RIMBP2: variants seen among roughly 807,000 people sequenced by gnomAD.
The protein encoded by RIMBP2 is RIMS-binding protein 2.
Under a neutral mutation model 118.6 loss-of-function variants are expected in RIMBP2, and 48 were observed. That is an observed-to-expected ratio of 0.40 (90% CI 0.32 to 0.51). The LOEUF (loss-of-function observed/expected upper bound fraction) is 0.51, where lower values mean the gene tolerates loss of function less well. Ranked by LOEUF, RIMBP2 falls within the 20% of genes least tolerant of loss-of-function variation. The pLI is 0.41. For synonymous variants in RIMBP2, 762 were observed against 742.9 expected (o/e 1.03, Z -0.42); for missense variants, 1,551 against 1,768.3 (o/e 0.88, Z 2.20).
Position 130,581,607 on chromosome 12 carries a change from C to T in RIMBP2, c.-217+46715G>A, listed in dbSNP as rs1272308156. ...AGGCTCTCGCGGCTCAGGCCTCAGA[C>T]CTGTCGCCTTCCTTCCTCTGTTCTC... On this transcript the variant is annotated intron_variant, in intron 2 of 22. Transcript: ENST00000690449. This position sits in a 1 kb window ranked among gnomAD's most constrained non-coding sequence, Gnocchi z 4.4. Among the ~76,000 whole-genome samples, 1 of 152,234 alleles carries T rather than the reference C, an allele frequency of 6.6e-6. No homozygotes were observed. The highest frequency in any genetic ancestry group is 2.4e-5 in the African/African-American group (1 of 41,470).
intron 4 of RIMBP2, among the ~76,000 whole-genome samples, chr12:130,480,626 A>T (rs1351665236): frequency 6.6e-6 from 1 of 151,872 alleles, no homozygotes; most frequent in Non-Finnish European, 1.5e-5. Context: ...TTTGAGATGG[A>T]GTCTTGCTCT....
chr12:130,587,052 T>C (rs1344409986), intron 2 of RIMBP2, among the ~76,000 whole-genome samples: 1 of 125,392 alleles, frequency 8.0e-6, no homozygotes, highest in East Asian at 3.2e-4. Flanking sequence ...AGAAGACATT[T>C]ATGCAGCCAA....
At chr12:130,407,966 C>G in intron 19 of RIMBP2, 137 bp from the exon 20 acceptor site, 1 of 727,766 alleles carries the variant, frequency 1.4e-6, no homozygotes, top group Non-Finnish European at 2.4e-6. Flanking sequence ...CTCCTGGGCA[C>G]TCACATCAGC....
intron 1 of RIMBP2, among the ~76,000 whole-genome samples, chr12:130,681,557 A>C (rs2064786830): frequency 6.6e-6 from 1 of 152,052 alleles, no homozygotes; most frequent in South Asian, 2.1e-4. Flanking sequence ...AATCAATCTC[A>C]TATTTCATGT....
chr12:130,432,723 C>T (rs2077227687), intron 14 of RIMBP2, among the ~76,000 whole-genome samples: 1 of 152,200 alleles, frequency 6.6e-6, no homozygotes, highest in Non-Finnish European at 1.5e-5. Flanking sequence ...AGAAACCAGC[C>T]CTGCTGGTGC....
rs543666140 is a variant in RIMBP2 at position 130,446,901 on chromosome 12, G to A, written c.582-1632C>T. Among the ~76,000 whole-genome samples the A allele has an allele frequency of 1.1e-4, 17 of 152,148 alleles. No homozygotes were observed. Among genetic ancestry groups the A allele is most frequent in the African/African-American group, 2.2e-4 (9 of 41,480 alleles). On this transcript the variant is annotated intron_variant, in intron 9 of 22. Transcript: ENST00000690449. This position sits in a 1 kb window ranked among gnomAD's most constrained non-coding sequence, Gnocchi z 4.1. Reference sequence around the variant, plus strand: ...GTGACTTAGGAGGCTGTGGAAATGCGGGTTGCCTGGCTGCAGGGATGAGGG... The same window carrying A: ...GTGACTTAGGAGGCTGTGGAAATGCAGGTTGCCTGGCTGCAGGGATGAGGG...
Position 130,438,421 on chromosome 12 carries a change from C to T in RIMBP2, c.1600G>A (p.Gly534Arg), listed in dbSNP as rs200754880. 1.6e-5 allele frequency: 26 copies of T among 1,613,668 alleles called. No homozygotes were observed. Among genetic ancestry groups the T allele is most frequent in the Admixed American group, 3.3e-5 (2 of 59,982 alleles). The change falls in exon 12 of 23, where the codon GGG becomes AGG. Residue 534 changes from glycine (G) to arginine (R), a missense_variant. Gly to Arg is a moderately radical substitution (Grantham distance 125). This residue lies in a region of RIMBP2 where 1,038 missense variants were observed against 1,125.1 expected (regional missense o/e 0.92). Transcript: ENST00000690449. ...SWRPPVLTPT[G>R]LSNGANVTGY... ...GTAACGTTTGCGCCATTGGACAGCC[C>T]GGTGGGCGTCAGCACAGGTGGTCTC...
chr12:130,694,440 G>A (rs1284585023), intron 1 of RIMBP2, among the ~76,000 whole-genome samples: 2 of 152,164 alleles, frequency 1.3e-5, no homozygotes, highest in Admixed American at 6.5e-5. Context: ...TGACCTTCAG[G>A]ACAAAGTCCA....
chr12:130,598,770 A>G (rs1250020975), intron 2 of RIMBP2, among the ~76,000 whole-genome samples: 2 of 152,180 alleles, frequency 1.3e-5, no homozygotes, highest in African/African-American at 4.8e-5. Flanking sequence ...AAGGCTTACT[A>G]TAAAGCCACA....
At chr12:130,441,443 TAATA>T (rs1566042440) in intron 11 of RIMBP2, among the ~76,000 whole-genome samples, 7 of 141,050 alleles carry the variant, frequency 5.0e-5, no homozygotes, top group African/African-American at 1.3e-4. Flanking sequence ...ATAATAATAA[TAATA>T]ATTTACAAGG....
intron 2 of RIMBP2, among the ~76,000 whole-genome samples, chr12:130,561,953 C>T (rs1186513017): frequency 2.0e-5 from 3 of 151,996 alleles, no homozygotes; most frequent in African/African-American, 7.3e-5. Flanking sequence ...TATATGTTCA[C>T]TGTCAAAAAA....
At chr12:130,609,760 G>T (rs933325384) in intron 2 of RIMBP2, among the ~76,000 whole-genome samples, 1 of 152,178 alleles carries the variant, frequency 6.6e-6, no homozygotes, top group African/African-American at 2.4e-5. Flanking sequence ...CAGGGCTGCA[G>T]GTCTGGGAAG....
intron 2 of RIMBP2, among the ~76,000 whole-genome samples, chr12:130,564,653 C>A (rs578253230): frequency 6.6e-6 from 1 of 152,272 alleles, no homozygotes; most frequent in South Asian, 2.1e-4. Context: ...AAGCCAGTTG[C>A]AGAAGGACAA....
At chr12:130,503,883 T>C (rs1445273925) in intron 4 of RIMBP2, among the ~76,000 whole-genome samples, 1 of 152,234 alleles carries the variant, frequency 6.6e-6, no homozygotes, top group Non-Finnish European at 1.5e-5. Flanking sequence ...TTCATATCAC[T>C]TCATTATATT....
intron 2 of RIMBP2, among the ~76,000 whole-genome samples, chr12:130,587,683 G>A (rs1389678960): frequency 1.3e-5 from 1 of 76,022 alleles, no homozygotes; most frequent in East Asian, 6.6e-4. Context: ...CTGTGGTGGG[G>A]TGGGGGGAGG....
At chr12:130,573,984 T>C (rs576688262) in intron 2 of RIMBP2, among the ~76,000 whole-genome samples, 1 of 151,096 alleles carries the variant, frequency 6.6e-6, no homozygotes, top group East Asian at 2.0e-4. Context: ...GGAAGGAAAA[T>C]GGCAAGCAGA....
intron 22 of RIMBP2, chr12:130,397,785 C>T: frequency 3.0e-6 from 1 of 335,078 alleles, no homozygotes; most frequent in East Asian, 4.5e-5. Flanking sequence ...TGCGGGGTGG[C>T]CGTTGCTTTG....
chr12:130,429,434 CAGAG>C (rs1209225680), intron 14 of RIMBP2: 1 of 152,206 alleles, frequency 6.6e-6, no homozygotes, highest in Non-Finnish European at 1.5e-5. Flanking sequence ...TTTCCACTCA[CAGAG>C]AAAGCACCTA....
Position 130,451,269 on chromosome 12 carries a change from T to G in RIMBP2, c.430A>C (p.Arg144=). Residue 144 remains arginine, a synonymous_variant, in exon 8 of 23, where the codon AGG becomes CGG. Coordinates refer to ENST00000690449, the MANE Select transcript of RIMBP2 (RefSeq NM_001393629.1). Reference sequence around the variant, plus strand: ...GGCTTGGCGGACAGAGGCTCCGGCCTGTCACCAGGCTGCGGAAGGGGCCGG... The same window carrying G: ...GGCTTGGCGGACAGAGGCTCCGGCCGGTCACCAGGCTGCGGAAGGGGCCGG... The part of the protein sequence containing the change: ...YIRPLPQPGD[R]PEPLSAKPTF... The G allele has an allele frequency of 6.2e-7, 1 of 1,614,204 alleles. No individual in the cohort carries two copies. Among genetic ancestry groups the G allele is most frequent in the Non-Finnish European group, 8.5e-7 (1 of 1,180,034 alleles).
Sources: gnomAD v4.1 joint callset for allele counts (sites outside exome capture counted in the v4.1 genomes callset) on GRCh38, gnomAD v4.1.1 for gene constraint, gnomAD v4.1.1 regional missense constraint, Gnocchi (gnomAD v3.1) non-coding constraint, MANE v1.5 for transcripts, NCBI Gene and HGNC (gene_info 2026-07-23, HGNC 2026-07-21) for gene names.